MYO3B: variants seen among roughly 807,000 people sequenced by gnomAD.
The protein encoded by MYO3B is myosin-IIIb.
Under a neutral mutation model 174.6 loss-of-function variants are expected in MYO3B, and 156 were observed. The ratio of observed to expected loss-of-function variants is 0.89; its 90% CI spans 0.78 to 1.02. The LOEUF (loss-of-function observed/expected upper bound fraction) is 1.02, where lower values mean the gene tolerates loss of function less well. MYO3B is among the 50% of genes least tolerant of loss of function. The pLI, the probability that MYO3B is intolerant of heterozygous loss-of-function variation, is 0.00. For synonymous variants in MYO3B, 563 were observed against 569.1 expected, an observed-to-expected ratio of 0.99 and a Z score of 0.15; for missense variants, 1,632 against 1,639.4, an observed-to-expected ratio of 1.00 and a Z score of 0.08.
At chr2:170,305,897 C>A (rs1033168956) in intron 7 of MYO3B, among the ~76,000 whole-genome samples, 1 of 152,098 alleles carries the variant, frequency 6.6e-6, no homozygotes, top group Non-Finnish European at 1.5e-5. Context: ...CTATCCCAAA[C>A]CTTAGTGGGT....
At chr2:170,499,982 C>G (rs6737166) in intron 27 of MYO3B, among the ~76,000 whole-genome samples, 174 bp downstream of exon 27, 138,657 of 150,190 alleles carry the variant, frequency 0.92, 64,896 homozygotes, top group Non-Finnish European at 1. Context: ...TTCCTTCCTT[C>G]CTTTAGCAAA....
chr2:170,332,830 T>C (rs2093921282), intron 7 of MYO3B, among the ~76,000 whole-genome samples: 1 of 152,176 alleles, frequency 6.6e-6, no homozygotes, highest in Admixed American at 6.5e-5. Flanking sequence ...AGAAAGAGAC[T>C]GAAAACAGGA....
chr2:170,497,063 G>A (rs1686895562), intron 25 of MYO3B, among the ~76,000 whole-genome samples: 5 of 152,150 alleles, frequency 3.3e-5, no homozygotes, highest in African/African-American at 1.2e-4. Context: ...TGAGAAAATA[G>A]CAGAGGTAGG....
intron 32 of MYO3B, among the ~76,000 whole-genome samples, chr2:170,614,310 C>G (rs1391693166): frequency 6.6e-6 from 1 of 152,146 alleles, no homozygotes; most frequent in East Asian, 1.9e-4. Flanking sequence ...CAGAATGCCA[C>G]CTGACACAAA....
At chr2:170,565,740 A>G (rs541137268) in intron 32 of MYO3B, among the ~76,000 whole-genome samples, 2 of 152,350 alleles carry the variant, frequency 1.3e-5, no homozygotes, top group South Asian at 4.1e-4. Flanking sequence ...GAGTAGAGAA[A>G]GAGATTAGTA....
intron 6 of MYO3B, among the ~76,000 whole-genome samples, chr2:170,229,425 T>C (rs2092990318): frequency 1.3e-5 from 2 of 152,252 alleles, no homozygotes; most frequent in African/African-American, 4.8e-5. Flanking sequence ...CCTTTGGTTA[T>C]AATTTTGGAT....
At chr2:170,268,503 T>C (rs1452270935) in intron 7 of MYO3B, among the ~76,000 whole-genome samples, 1 of 152,256 alleles carries the variant, frequency 6.6e-6, no homozygotes, top group Non-Finnish European at 1.5e-5. Flanking sequence ...TAGCTTTATG[T>C]GCATAAGACT....
intron 6 of MYO3B, among the ~76,000 whole-genome samples, chr2:170,235,717 C>T (rs549557098): frequency 1.3e-5 from 2 of 152,322 alleles, no homozygotes; most frequent in South Asian, 2.1e-4. Flanking sequence ...TGGTATACAT[C>T]CGCTTCCTCC....
At chr2:170,394,508 G>T (rs1383294603) in intron 16 of MYO3B, among the ~76,000 whole-genome samples, 2 of 152,042 alleles carry the variant, frequency 1.3e-5, no homozygotes, top group Non-Finnish European at 2.9e-5. Flanking sequence ...GGGAAAAAAG[G>T]TACAATAGAA....
In MYO3B at chr2:170,301,796, T is replaced by G. The variant is rs528567455; in HGVS notation, c.750-33589T>G. 2.0e-4 allele frequency among the ~76,000 whole-genome samples: 31 copies of G among 152,146 alleles called. No individual in the cohort carries two copies. The South Asian group carries it at 6.0e-3, about 30-fold the overall frequency. On this transcript the variant is annotated intron_variant, in intron 7 of 34. Coordinates refer to ENST00000408978, the MANE Select transcript of MYO3B (RefSeq NM_138995.5). ...TGGTCCAGTATTTCATGGCCTTTTT[T>G]TGTGTAACAGTATGTGCAAGGTGAG...
intron 3 of MYO3B, among the ~76,000 whole-genome samples, chr2:170,207,158 T>C (rs1443546394): frequency 1.3e-5 from 2 of 152,062 alleles, no homozygotes; most frequent in Non-Finnish European, 2.9e-5. Flanking sequence ...TCTATTATCA[T>C]TACCCGCTTA....
At chr2:170,325,795 G>A (rs893916010) in intron 7 of MYO3B, among the ~76,000 whole-genome samples, 9 of 152,252 alleles carry the variant, frequency 5.9e-5, no homozygotes, top group African/African-American at 2.2e-4. Flanking sequence ...AGACTGGCCA[G>A]ATAAGTCTAT....
chr2:170,311,244 A>G (rs981256261), intron 7 of MYO3B, among the ~76,000 whole-genome samples: 13 of 152,228 alleles, frequency 8.5e-5, no homozygotes, highest in African/African-American at 3.1e-4. Context: ...CCAGCAATGT[A>G]TGGGAGTTCA....
chr2:170,654,483 A>AATG lies in MYO3B; in HGVS notation c.*1365_*1367dup, dbSNP rs1054211509. 6.6e-6 allele frequency: 1 copy of AATG among 151,826 alleles called. No individual in the cohort carries two copies. The highest frequency in any genetic ancestry group is 1.9e-4 in the East Asian group (1 of 5,174). 9.4% of individuals were successfully genotyped at this position (151,826 alleles called of 1,614,324 possible). A position where few individuals can be genotyped will look rare whatever the true frequency, so the allele number is the denominator to read the frequency against. On this transcript the variant is annotated 3_prime_UTR_variant, in exon 35 of 35. Coordinates refer to ENST00000408978, the MANE Select transcript of MYO3B (RefSeq NM_138995.5). ...AAACCCCGTCTCTACTAAAAAAAAT[A>AATG]ATGATAATACAAAAATTAGCCCAGC...
At chr2:170,322,795 C>G (rs2093838333) in intron 7 of MYO3B, among the ~76,000 whole-genome samples, 1 of 152,130 alleles carries the variant, frequency 6.6e-6, no homozygotes, top group Non-Finnish European at 1.5e-5. Context: ...TCTGGTGATC[C>G]AGGCTCAGAT....
chr2:170,430,585 T>C (rs539191537), intron 22 of MYO3B, among the ~76,000 whole-genome samples: 1 of 152,120 alleles, frequency 6.6e-6, no homozygotes, highest in Non-Finnish European at 1.5e-5. Flanking sequence ...TTATCCAGGC[T>C]GGTCTTGAAC....
chr2:170,227,807 A>G (rs1470427972), intron 6 of MYO3B, among the ~76,000 whole-genome samples: 1 of 152,126 alleles, frequency 6.6e-6, no homozygotes, highest in Non-Finnish European at 1.5e-5. Context: ...AAGGAGAAAA[A>G]CATTTTTTTC....
At chr2:170,368,759 A>G (rs1370093714) in intron 8 of MYO3B, among the ~76,000 whole-genome samples, 2 of 152,160 alleles carry the variant, frequency 1.3e-5, no homozygotes, top group Non-Finnish European at 2.9e-5. Context: ...TTTTCCTTTT[A>G]ACACCTAGAT....
At chr2:170,367,219 C>CT (rs2094205480) in intron 8 of MYO3B, among the ~76,000 whole-genome samples, 3 of 152,112 alleles carry the variant, frequency 2.0e-5, no homozygotes, top group African/African-American at 7.2e-5. Context: ...AGTCAGATGA[C>CT]GCTTCAACAA....
Sources: gnomAD v4.1 joint callset for allele counts (sites outside exome capture counted in the v4.1 genomes callset) on GRCh38, gnomAD v4.1.1 for gene constraint, MANE v1.5 for transcripts, NCBI Gene and HGNC (gene_info 2026-07-23, HGNC 2026-07-21) for gene names.